The following ANO4 variants were observed in gnomAD, a reference collection of about 807,000 sequenced individuals.
The protein encoded by ANO4 is anoctamin-4.
ANO4 carries 69 observed loss-of-function variants against 141.9 expected under a neutral mutation model. The ratio of observed to expected loss-of-function variants is 0.49; its 90% CI spans 0.40 to 0.59. The LOEUF (loss-of-function observed/expected upper bound fraction) is 0.59. Ranked by LOEUF, ANO4 falls within the 20% of genes least tolerant of loss-of-function variation. ANO4 has a pLI of 0.00. For missense variants in ANO4, 894 were observed against 1,162.2 expected, an observed-to-expected ratio of 0.77 and a Z score of 3.36; for synonymous variants, 350 against 394.3, an observed-to-expected ratio of 0.89 and a Z score of 1.33.
intron 1 of ANO4, among the ~76,000 whole-genome samples, chr12:100,731,319 T>A (rs924023557): frequency 3.9e-5 from 6 of 152,216 alleles, no homozygotes; most frequent in African/African-American, 1.4e-4. Context: ...AAAATGTATT[T>A]ATTGTAATAT....
intron 25 of ANO4, among the ~76,000 whole-genome samples, chr12:101,119,380 G>A (rs539827843): frequency 7.9e-5 from 12 of 152,188 alleles, no homozygotes; most frequent in Admixed American, 1.3e-4. Flanking sequence ...CTTGAGTCTG[G>A]GAGGCAGAGA....
At chr12:100,811,321 G>A (rs2035423094) in intron 1 of ANO4, among the ~76,000 whole-genome samples, 1 of 152,200 alleles carries the variant, frequency 6.6e-6, no homozygotes, top group Non-Finnish European at 1.5e-5. Context: ...AGGGTTATAA[G>A]ATGTTCTGGA....
rs146450106 is a variant in ANO4, at chr12:100,718,645, A to G, written c.22+1098A>G. The stretch of plus-strand genomic sequence containing the variant: ...ATTTAGGTGGCTCAGAGGGTTTGCA[A>G]TTGATGCCTGGGAACCAGTAACAAA... On this transcript the variant is annotated intron_variant, in intron 1 of 29. Transcript: ENST00000644049. 2.9e-3 allele frequency among the ~76,000 whole-genome samples: 440 copies of G among 152,294 alleles called. 3 individuals carry two copies. Among genetic ancestry groups the G allele is most frequent in the African/African-American group, 9.7e-3 (404 of 41,552 alleles).
chr12:100,858,635 T>C (rs11110562), intron 1 of ANO4, among the ~76,000 whole-genome samples: 7,231 of 152,292 alleles, frequency 0.047, 232 homozygotes, highest in Middle Eastern at 0.095. Flanking sequence ...CTTTGCCTGG[T>C]TCTCCACTCA....
chr12:100,750,367 C>G lies in ANO4; in HGVS notation c.358+10262C>G, dbSNP rs905163523. Among the ~76,000 whole-genome samples the G allele has an allele frequency of 2.7e-5, 4 of 149,400 alleles. No homozygotes were observed. In the Admixed American group the frequency reaches 2.7e-4, roughly 10 times the overall value. On this transcript the variant is annotated intron_variant, in intron 3 of 29. Coordinates refer to the ANO4 transcript ENST00000644049. ...TCATGTTGGCCAGGCTAGTCTTGAA[C>G]TCCTGACCTCAAGTTATCCACCTGC...
At chr12:100,991,140 T>C (rs1400664835) in intron 8 of ANO4, among the ~76,000 whole-genome samples, 1 of 152,176 alleles carries the variant, frequency 6.6e-6, no homozygotes, top group Non-Finnish European at 1.5e-5. Context: ...TTGAATATTA[T>C]GAGTGGTGAG....
intron 5 of ANO4, among the ~76,000 whole-genome samples, chr12:100,955,095 A>G (rs377034329): frequency 2.0e-5 from 3 of 152,250 alleles, no homozygotes; most frequent in Non-Finnish European, 4.4e-5. Flanking sequence ...TTGAGCGTCT[A>G]TTATGTTCCA....
intron 14 of ANO4, among the ~76,000 whole-genome samples, chr12:101,069,686 G>A (rs543667248): frequency 1.2e-4 from 19 of 152,206 alleles, no homozygotes. Flanking sequence ...TTTTTGTTTT[G>A]CCCCCTGTTA....
At chr12:100,892,852 G>A (rs927115015) in intron 1 of ANO4, among the ~76,000 whole-genome samples, 3 of 151,862 alleles carry the variant, frequency 2.0e-5, no homozygotes, top group African/African-American at 7.3e-5. Context: ...TGCAGATAAG[G>A]AGGGCCGTCT....
intron 5 of ANO4, among the ~76,000 whole-genome samples, chr12:100,961,551 G>A (rs892463391): frequency 1.3e-5 from 2 of 152,176 alleles, no homozygotes; most frequent in African/African-American, 4.8e-5. Flanking sequence ...CATGGCACTA[G>A]CCGATAGAAA....
At chr12:100,801,093 G>GTCTCTCTCTCTCTCTCTCTC (rs35462149) in intron 1 of ANO4, among the ~76,000 whole-genome samples, 1 of 147,258 alleles carries the variant, frequency 6.8e-6, no homozygotes, top group Admixed American at 6.8e-5. Context: ...TTGTCTACTT[G>GTCTCTCTCTCTCTCTCTCTC]TCTCTCTCTC....
chr12:100,760,081 A>T lies in ANO4; in HGVS notation c.358+19976A>T, dbSNP rs2032787927. 2.0e-5 allele frequency among the ~76,000 whole-genome samples: 3 copies of T among 152,042 alleles called. No homozygotes were observed. In the South Asian group the frequency reaches 6.2e-4, roughly 32 times the overall value. On this transcript the variant is annotated intron_variant, in intron 3 of 29. Transcript: ENST00000644049. ...GAGGTAACTGTTGTTCTGAATTTGG[A>T]GTTTGCCATTCCCACGCATTTCTTT...
intron 14 of ANO4, among the ~76,000 whole-genome samples, chr12:101,064,996 A>G (rs925861612): frequency 5.3e-5 from 8 of 152,188 alleles, no homozygotes; most frequent in Non-Finnish European, 1.0e-4. Context: ...CTTGTATTCA[A>G]GTAACCCTTA....
chr12:100,924,281 C>T (rs1566016193), intron 3 of ANO4, among the ~76,000 whole-genome samples: 1 of 152,072 alleles, frequency 6.6e-6, no homozygotes, highest in Non-Finnish European at 1.5e-5. Context: ...TAGTTATCCC[C>T]ATTTATCATT....
intron 1 of ANO4, among the ~76,000 whole-genome samples, chr12:100,726,203 G>A (rs2031109665): frequency 1.3e-5 from 2 of 152,068 alleles, no homozygotes; most frequent in South Asian, 4.1e-4. Flanking sequence ...TGGGATTTGG[G>A]CATTTTATTG....
At chr12:100,873,222 G>A (rs1396537787) in intron 1 of ANO4, among the ~76,000 whole-genome samples, 1 of 152,184 alleles carries the variant, frequency 6.6e-6, no homozygotes, top group South Asian at 2.1e-4. Context: ...AATTGGTACT[G>A]GGAGTGGGCA....
chr12:100,908,131 G>A lies in ANO4; in HGVS notation c.55+6291G>A, dbSNP rs542753406. On this transcript the variant is annotated intron_variant, in intron 2 of 27. Coordinates refer to ENST00000392977, the MANE Select transcript of ANO4 (RefSeq NM_001286615.2). ...TCCCAGCACTTTGGGAGGCCGAGGCGGGTGGATCAGCTGAGGTCAGGAGTT... is the reference window on the plus strand; with the variant it reads ...TCCCAGCACTTTGGGAGGCCGAGGCAGGTGGATCAGCTGAGGTCAGGAGTT... Among the ~76,000 whole-genome samples, 62 of 152,210 alleles carry A rather than the reference G, an allele frequency of 4.1e-4. 1 individual carries two copies. In the South Asian group the frequency reaches 9.5e-3, roughly 23 times the overall value.
chr12:101,079,300 T>G, intron 15 of ANO4, 25 bp downstream of exon 15: 1 of 1,595,992 alleles, frequency 6.3e-7, no homozygotes, highest in African/African-American at 1.4e-5. Context: ...CCTCAGAATG[T>G]TGTAAAAAGC....
rs781337778 is a variant in ANO4, at chr12:101,042,473, G to T, written c.1154+5G>T. ...TCTGGATCACAGCCAAGTCAGGTAC[G>T]GGGAGCTCTTGGATGAGTTTGCCTT... On this transcript the variant is annotated splice_donor_5th_base_variant and intron_variant, in intron 12 of 27. Coordinates refer to ENST00000392977, the MANE Select transcript of ANO4 (RefSeq NM_001286615.2). The T allele has an allele frequency of 6.2e-7, 1 of 1,613,974 alleles. No homozygotes were observed. Among genetic ancestry groups the T allele is most frequent in the Admixed American group, 1.7e-5 (1 of 60,016 alleles).
Sources: gnomAD v4.1 joint callset for allele counts (sites outside exome capture counted in the v4.1 genomes callset) on GRCh38, gnomAD v4.1.1 for gene constraint, MANE v1.5 for transcripts, NCBI Gene and HGNC (gene_info 2026-07-23, HGNC 2026-07-21) for gene names.